Variants in SLC23A2 observed in about 807,000 individuals in gnomAD.
The protein encoded by SLC23A2 is solute carrier family 23 member 2, also known as Na(+)/L-ascorbic acid transporter 2.
In SLC23A2, 36 loss-of-function variants were observed where a neutral mutation model predicts 73.3. That is an observed-to-expected ratio of 0.49 (90% CI 0.38 to 0.65). The LOEUF is 0.65. Among genes scored for constraint, SLC23A2 ranks in the 30% least tolerant of loss-of-function variants. The probability of loss-of-function intolerance (pLI) is 0.00; values close to 1 mark genes in which losing one functional copy is unlikely to be tolerated. For synonymous variants in SLC23A2, 343 were observed against 327.3 expected, an observed-to-expected ratio of 1.05 and a Z score of -0.52; for missense variants, 507 against 841.6, an observed-to-expected ratio of 0.60 and a Z score of 4.92.
intron 2 of SLC23A2, among the ~76,000 whole-genome samples, chr20:4,959,818 C>CT (rs1330188662): frequency 2.6e-5 from 4 of 152,294 alleles, no homozygotes; most frequent in South Asian, 2.1e-4. Context: ...GGGTCTCTCT[C>CT]TGTCACGTAG....
chr20:4,861,319 A>G (rs1929957482), intron 15 of SLC23A2, among the ~76,000 whole-genome samples: 1 of 152,228 alleles, frequency 6.6e-6, no homozygotes, highest in Admixed American at 6.5e-5. Context: ...ACAACACTGT[A>G]CTAGATGCCA....
intron 1 of SLC23A2, among the ~76,000 whole-genome samples, chr20:4,978,781 C>T (rs2087683034): frequency 6.6e-6 from 1 of 152,122 alleles, no homozygotes; most frequent in African/African-American, 2.4e-5. Context: ...CATTAAGCTC[C>T]CCTCCACAAC....
chr20:4,924,464 C>G (rs1932604913), intron 3 of SLC23A2, among the ~76,000 whole-genome samples: 1 of 152,234 alleles, frequency 6.6e-6, no homozygotes, highest in Non-Finnish European at 1.5e-5. Context: ...CAGGATGCAG[C>G]TGCTGTCAGC....
chr20:4,952,103 C>CAAAAAAAAA (rs57832305), intron 2 of SLC23A2, among the ~76,000 whole-genome samples: 317 of 40,150 alleles, frequency 7.9e-3, no homozygotes, highest in Middle Eastern at 0.024. Flanking sequence ...GACTCTGACT[C>CAAAAAAAAA]AAAAAAAAAA....
At chr20:4,913,036 G>A (rs1365142953) in intron 3 of SLC23A2, 58 bp from the exon 4 acceptor site, 9 of 1,140,638 alleles carry the variant, frequency 7.9e-6, no homozygotes, top group East Asian at 2.3e-5. Context: ...TCCTCCCCCC[G>A]AAAGCCATTT....
chr20:4,980,537 CTT>C (rs201662707), intron 1 of SLC23A2, among the ~76,000 whole-genome samples: 1 of 144,538 alleles, frequency 6.9e-6, no homozygotes. Flanking sequence ...TTTTTCTTTT[CTT>C]TTTTTTTTTT....
At chr20:4,925,648 T>C in intron 3 of SLC23A2, among the ~76,000 whole-genome samples, 1 of 152,026 alleles carries the variant, frequency 6.6e-6, no homozygotes, top group South Asian at 2.1e-4. Context: ...CCGCAGGAAT[T>C]TCCTACCCCA....
At position 4,872,533 on chromosome 20, in the gene SLC23A2, CT is replaced by C. The variant is rs1930490079; in HGVS notation, c.1102+1402del. Among the ~76,000 whole-genome samples the C allele has an allele frequency of 6.6e-6, 1 of 152,060 alleles. No homozygotes were observed. Among genetic ancestry groups the C allele is most frequent in the South Asian group, 2.1e-4 (1 of 4,830 alleles). On this transcript the variant is annotated intron_variant, in intron 11 of 16. Coordinates refer to ENST00000338244, the MANE Select transcript of SLC23A2 (RefSeq NM_005116.6). This position sits in a 1 kb window ranked among gnomAD's most constrained non-coding sequence, Gnocchi z 4.4. ...TACTGGCGCCCACCTTGGGAGTTGC[CT>C]GCACAAGCAGAAGACCACCTTGTAT... is the stretch of plus-strand genomic sequence containing the variant.
Position 4,854,275 on chromosome 20 carries a change from C to A in SLC23A2, c.*2697G>T, listed in dbSNP as rs1257151062. On this transcript the variant is annotated 3_prime_UTR_variant, in exon 17 of 17. Transcript: ENST00000338244. ...GAGTGGCCACCGTGTCCCCCAATAT[C>A]TCCCCTTCAGGTGTGTGCTTAAACC... The A allele has an allele frequency of 6.6e-6, 1 of 152,232 alleles. No individual in the cohort carries two copies. The highest frequency in any genetic ancestry group is 1.5e-5 in the Non-Finnish European group (1 of 68,054). The allele number at this position is 152,232 out of a possible 1,614,324, so 9.4% of individuals were successfully genotyped here. A position where few individuals can be genotyped will look rare whatever the true frequency, so the allele number is the denominator to read the frequency against.
At chr20:4,965,148 T>A (rs991077352) in intron 2 of SLC23A2, among the ~76,000 whole-genome samples, 2 of 152,090 alleles carry the variant, frequency 1.3e-5, no homozygotes, top group Non-Finnish European at 2.9e-5. Context: ...ATTGATATAG[T>A]CAGTGTGCTC....
At chr20:4,898,410 C>T (rs540382261) in intron 6 of SLC23A2, among the ~76,000 whole-genome samples, 18 of 152,366 alleles carry the variant, frequency 1.2e-4, no homozygotes, top group African/African-American at 4.1e-4. Context: ...GTTAGGGCAA[C>T]CCTGAGGTCC....
intron 12 of SLC23A2, 31 bp from the exon 13 acceptor site, chr20:4,867,906 T>C: frequency 8.0e-7 from 1 of 1,249,162 alleles, no homozygotes; most frequent in Non-Finnish European, 1.2e-6. Flanking sequence ...GGAAAGAAAA[T>C]CATTCAATGG....
chr20:4,864,971 T>A (rs780196814), intron 13 of SLC23A2, among the ~76,000 whole-genome samples: 1 of 152,208 alleles, frequency 6.6e-6, no homozygotes, highest in African/African-American at 2.4e-5. Context: ...GTCAACAATA[T>A]ATGCAGCAAC....
In SLC23A2 at chr20:4,998,805, CTT is replaced by C. The variant is rs10634743; in HGVS notation, c.-282+2599_-282+2600del. ...ATAATTTCAAATCATTACTGTTGAT[CTT>C]TTTTTTTTTTTTTTTAGGAGACAGT... On this transcript the variant is annotated intron_variant, in intron 1 of 16. Transcript: ENST00000338244. The surrounding 1 kb of genome is among the most constrained non-coding windows in gnomAD (Gnocchi z 4.1). Among the ~76,000 whole-genome samples, 19 of 139,418 alleles carry C rather than the reference CTT, an allele frequency of 1.4e-4. No homozygotes were observed. Among genetic ancestry groups the C allele is most frequent in the Admixed American group, 1.4e-4 (2 of 13,920 alleles). 91.5% of individuals were successfully genotyped at this position (139,418 alleles called of 152,430 possible).
intron 11 of SLC23A2, 30 bp downstream of exon 11, chr20:4,873,906 C>G (rs1470202416): frequency 4.4e-6 from 7 of 1,597,982 alleles, no homozygotes; most frequent in Non-Finnish European, 6.0e-6. Flanking sequence ...CTCGTGGGCT[C>G]TTGACCCCTC....
chr20:4,985,594 C>T (rs890118972), intron 1 of SLC23A2, among the ~76,000 whole-genome samples: 9 of 152,120 alleles, frequency 5.9e-5, no homozygotes, highest in South Asian at 2.1e-4. Flanking sequence ...ACTACAGGTG[C>T]GCGCCACCAT....
intron 2 of SLC23A2, among the ~76,000 whole-genome samples, chr20:4,948,338 C>T (rs2087148705): frequency 6.6e-6 from 1 of 152,170 alleles, no homozygotes; most frequent in East Asian, 1.9e-4. Flanking sequence ...TTTATTCAGT[C>T]CTCTCAACAC....
intron 2 of SLC23A2, among the ~76,000 whole-genome samples, chr20:4,939,523 T>A (rs2087009623): frequency 6.6e-6 from 1 of 152,228 alleles, no homozygotes; most frequent in South Asian, 2.1e-4. Flanking sequence ...CAAGCCTCTT[T>A]CGATGTGATT....
intron 1 of SLC23A2, among the ~76,000 whole-genome samples, chr20:5,009,417 C>G (rs1308463173): frequency 6.6e-6 from 1 of 152,076 alleles, no homozygotes; most frequent in Non-Finnish European, 1.5e-5. Flanking sequence ...CACCCCGAGT[C>G]CCTAGGCTGG....
Sources: allele counts gnomAD v4.1 joint callset (sites outside exome capture counted in the v4.1 genomes callset), GRCh38; gene constraint gnomAD v4.1.1; non-coding constraint Gnocchi (gnomAD v3.1); transcripts MANE v1.5; gene names NCBI Gene and HGNC (gene_info 2026-07-23, HGNC 2026-07-21).